Variants in GRB10 observed in about 807,000 individuals in gnomAD.
GRB10 encodes growth factor receptor-bound protein 10.
Under a neutral mutation model 80.9 loss-of-function variants are expected in GRB10, and 20 were observed. The observed-to-expected ratio is 0.25, with a 90% confidence interval of 0.17 to 0.36. The LOEUF is 0.36. Ranked by LOEUF, GRB10 falls within the 10% of genes least tolerant of loss-of-function variation. The pLI, the probability that GRB10 is intolerant of heterozygous loss-of-function variation, is 1.00. For synonymous variants in GRB10, 291 were observed against 291.5 expected, an observed-to-expected ratio of 1.00 and a Z score of 0.02; for missense variants, 548 against 747.7, an observed-to-expected ratio of 0.73 and a Z score of 3.12.
intron 5 of GRB10, among the ~76,000 whole-genome samples, chr7:50,688,793 G>A (rs978016214): frequency 3.3e-5 from 5 of 152,180 alleles, no homozygotes; most frequent in African/African-American, 9.6e-5. Context: ...GTGGGTGAGG[G>A]GGGGCAGAGG....
intron 18 of GRB10, among the ~76,000 whole-genome samples, chr7:50,594,322 C>A (rs1461076276): frequency 2.0e-5 from 3 of 152,208 alleles, no homozygotes; most frequent in Non-Finnish European, 4.4e-5. Flanking sequence ...GTGCGTGGCA[C>A]ACTGCCTTCC....
At chr7:50,672,645 C>T (rs1388157882) in intron 6 of GRB10, among the ~76,000 whole-genome samples, 6 of 152,164 alleles carry the variant, frequency 3.9e-5, no homozygotes, top group African/African-American at 1.4e-4. Flanking sequence ...AGTCCCGGGG[C>T]ACATATGGGC....
In GRB10 at chr7:50,592,855, A is replaced by C; in HGVS notation, c.*97T>G. On this transcript the variant is annotated 3_prime_UTR_variant, in exon 19 of 19. Coordinates refer to ENST00000401949, the MANE Select transcript of GRB10 (RefSeq NM_001350814.2). Reference sequence around the variant, plus strand: ...CAAACCCATCTCGCTCTGGGTCCCCAGGTGCAGAATCGATGTGTGTTCTTC... The same window carrying C: ...CAAACCCATCTCGCTCTGGGTCCCCCGGTGCAGAATCGATGTGTGTTCTTC... The C allele has an allele frequency of 7.3e-7, 1 of 1,370,306 alleles. No individual in the cohort carries two copies. The highest frequency in any genetic ancestry group is 1.0e-6 in the Non-Finnish European group (1 of 961,938). The allele number at this position is 1,370,306 out of a possible 1,614,324, so 84.9% of individuals were successfully genotyped here. A position where few individuals can be genotyped will look rare whatever the true frequency, so the allele number is the denominator to read the frequency against.
chr7:50,623,022 G>A (rs2052145399), intron 8 of GRB10, among the ~76,000 whole-genome samples: 1 of 152,142 alleles, frequency 6.6e-6, no homozygotes, highest in Admixed American at 6.5e-5. Context: ...TAATATCACT[G>A]CATCCTCCAT....
At chr7:50,626,696 C>G in intron 8 of GRB10, 126 bp downstream of exon 8, 2 of 1,068,836 alleles carry the variant, frequency 1.9e-6, no homozygotes, top group Non-Finnish European at 2.9e-6. Flanking sequence ...CGAGGGGAAC[C>G]CAGAGACTGC....
chr7:50,760,346 C>T (rs2075620111), intron 2 of GRB10, among the ~76,000 whole-genome samples: 1 of 152,130 alleles, frequency 6.6e-6, no homozygotes, highest in African/African-American at 2.4e-5. Flanking sequence ...CATAAAATAT[C>T]ATAGCACTTA....
intron 5 of GRB10, among the ~76,000 whole-genome samples, chr7:50,703,561 C>A (rs535699349): frequency 1.3e-3 from 187 of 148,952 alleles, no homozygotes; most frequent in African/African-American, 4.7e-3. Flanking sequence ...AGTTGCCTTT[C>A]GGCTGAAACC....
chr7:50,736,464 A>T (rs900646528), intron 3 of GRB10, among the ~76,000 whole-genome samples: 1 of 152,184 alleles, frequency 6.6e-6, no homozygotes, highest in Non-Finnish European at 1.5e-5. Flanking sequence ...TGCCAAGACC[A>T]TTCGCTGAGG....
At chr7:50,788,049 CTGTCCCTG>C (rs199564917) in intron 1 of GRB10, among the ~76,000 whole-genome samples, 4,828 of 152,104 alleles carry the variant, frequency 0.032, 112 homozygotes, top group Non-Finnish European at 0.046. Context: ...GCACCAGGCA[CTGTCCCTG>C]GGCAGGAAGC....
intron 2 of GRB10, among the ~76,000 whole-genome samples, chr7:50,767,368 C>T (rs1037145429): frequency 6.6e-6 from 1 of 152,328 alleles, no homozygotes; most frequent in African/African-American, 2.4e-5. Context: ...TAAGAGTACA[C>T]TTAACAACTG....
intron 17 of GRB10, among the ~76,000 whole-genome samples, chr7:50,598,371 G>A (rs185745157): frequency 1.9e-4 from 29 of 152,278 alleles, no homozygotes; most frequent in African/African-American, 6.7e-4. Context: ...TACTAACCAG[G>A]CTCAGAAGTT....
At chr7:50,695,542 ACTGGG>A (rs996026350) in intron 5 of GRB10, among the ~76,000 whole-genome samples, 6 of 152,156 alleles carry the variant, frequency 3.9e-5, no homozygotes, top group Non-Finnish European at 8.8e-5. Flanking sequence ...ATTGATGTCC[ACTGGG>A]CTAATGAGGT....
intron 7 of GRB10, among the ~76,000 whole-genome samples, chr7:50,657,596 C>T (rs893571970): frequency 5.3e-5 from 8 of 152,184 alleles, no homozygotes; most frequent in African/African-American, 1.9e-4. Flanking sequence ...AACTACTGCC[C>T]TGATTCTAGA....
At chr7:50,696,002 A>G (rs1359220777) in intron 5 of GRB10, among the ~76,000 whole-genome samples, 2 of 152,158 alleles carry the variant, frequency 1.3e-5, no homozygotes, top group Non-Finnish European at 2.9e-5. Context: ...TTTTTCACTC[A>G]GTAAATCTGA....
At chr7:50,594,672 A>G (rs1168884282) in intron 18 of GRB10, among the ~76,000 whole-genome samples, 2 of 152,222 alleles carry the variant, frequency 1.3e-5, no homozygotes. Flanking sequence ...TGTGTATTGT[A>G]TTCTCAACTA....
intron 2 of GRB10, among the ~76,000 whole-genome samples, chr7:50,772,435 A>G (rs575510327): frequency 6.6e-6 from 1 of 152,334 alleles, no homozygotes; most frequent in East Asian, 1.9e-4. Flanking sequence ...GGAATTAAAT[A>G]TCTGTTAATG....
rs2045730085 is a variant in GRB10, at chr7:50,590,546, G to A, written c.*2406C>T. 1 of 152,636 alleles carries A rather than the reference G, an allele frequency of 6.6e-6. No homozygotes were observed. The highest frequency in any genetic ancestry group is 1.5e-5 in the Non-Finnish European group (1 of 68,058). 9.5% of individuals were successfully genotyped at this position (152,636 alleles called of 1,614,324 possible). Reference sequence around the variant, plus strand: ...CTCAACTTCGTCCTGGTTGCTACATGGAGTTTCATTTAGAAAAGAAAATCA... The same window carrying A: ...CTCAACTTCGTCCTGGTTGCTACATAGAGTTTCATTTAGAAAAGAAAATCA... On this transcript the variant is annotated 3_prime_UTR_variant, in exon 19 of 19. Coordinates refer to ENST00000401949, the MANE Select transcript of GRB10 (RefSeq NM_001350814.2).
intron 7 of GRB10, among the ~76,000 whole-genome samples, chr7:50,660,994 A>G (rs2237458): frequency 0.41 from 62,670 of 151,992 alleles, 13,016 homozygotes; most frequent in Admixed American, 0.45. Context: ...CAGACTGTGG[A>G]GGTGCTAAGA....
intron 3 of GRB10, among the ~76,000 whole-genome samples, chr7:50,749,206 G>A (rs1448567236): frequency 2.8e-5 from 4 of 143,600 alleles, no homozygotes; most frequent in African/African-American, 1.0e-4. Flanking sequence ...TTGGCTCACT[G>A]CAACCTCCAC....
Sources: allele counts gnomAD v4.1 joint callset (sites outside exome capture counted in the v4.1 genomes callset), GRCh38; gene constraint gnomAD v4.1.1; transcripts MANE v1.5; gene names NCBI Gene and HGNC (gene_info 2026-07-23, HGNC 2026-07-21).